The following NAALADL2 variants were observed in gnomAD, a reference collection of about 807,000 sequenced individuals.
NAALADL2 encodes the protein N-acetylated alpha-linked acidic dipeptidase like 2, also known as inactive N-acetylated-alpha-linked acidic dipeptidase-like protein 2.
NAALADL2 carries 76 observed loss-of-function variants against 87.2 expected under a neutral mutation model. The observed-to-expected ratio is 0.87, with a 90% CI of 0.72 to 1.05. The LOEUF is 1.05. Ranked by LOEUF, NAALADL2 falls within the 50% of genes least tolerant of loss-of-function variation. NAALADL2 has a pLI of 0.00. For synonymous variants in NAALADL2, 354 were observed against 331.0 expected, an observed-to-expected ratio of 1.07 and a Z score of -0.75; for missense variants, 1,089 against 945.8, an observed-to-expected ratio of 1.15 and a Z score of -1.99.
chr3:175,133,718 GA>G (rs1380932898), intron 2 of NAALADL2, among the ~76,000 whole-genome samples: 6 of 152,106 alleles, frequency 3.9e-5, no homozygotes, highest in Non-Finnish European at 7.4e-5. Flanking sequence ...CGTGGAAAGA[GA>G]GGGAGAGGGA....
At chr3:174,518,980 A>G (rs564914352) in intron 1 of NAALADL2, among the ~76,000 whole-genome samples, 22 of 152,308 alleles carry the variant, frequency 1.4e-4, no homozygotes, top group African/African-American at 4.8e-4. Flanking sequence ...CTCTGATGAC[A>G]TTATAAAAAT....
At chr3:175,689,719 G>A (rs78661717) in intron 11 of NAALADL2, among the ~76,000 whole-genome samples, 8,522 of 152,124 alleles carry the variant, frequency 0.056, 852 homozygotes, top group African/African-American at 0.19. Flanking sequence ...GGTCTCCGAT[G>A]TTTAGAGAAT....
intron 13 of NAALADL2, among the ~76,000 whole-genome samples, chr3:175,778,320 A>C (rs1750544875): frequency 6.6e-6 from 1 of 152,194 alleles, no homozygotes; most frequent in African/African-American, 2.4e-5. Flanking sequence ...TGGCATTTTC[A>C]ATTAGTTAAT....
chr3:175,100,876 G>A, intron 2 of NAALADL2, among the ~76,000 whole-genome samples: 1 of 151,376 alleles, frequency 6.6e-6, no homozygotes, highest in Non-Finnish European at 1.5e-5. Flanking sequence ...AGAAAAAGAG[G>A]TAGTTGTTTT....
At chr3:174,857,576 G>A (rs1725994720), upstream of NAALADL2, among the ~76,000 whole-genome samples, 1 of 152,014 alleles carries the variant, frequency 6.6e-6, no homozygotes, top group African/African-American at 2.4e-5. Context: ...TATGTGTGTT[G>A]GTCCTTTTAA....
At chr3:174,707,035 C>T (rs1052086705) in intron 2 of NAALADL2, among the ~76,000 whole-genome samples, 21 of 152,218 alleles carry the variant, frequency 1.4e-4, no homozygotes, top group African/African-American at 4.8e-4. Flanking sequence ...CCAACAGACA[C>T]ATGAAAAAAT....
At chr3:174,994,055 A>T (rs1383192710) in intron 1 of NAALADL2, among the ~76,000 whole-genome samples, 2 of 152,306 alleles carry the variant, frequency 1.3e-5, no homozygotes, top group Non-Finnish European at 2.9e-5. Context: ...ACTTGCTTGC[A>T]TCTGCAAAGA....
At chr3:174,861,639 A>G (rs1224077676) in intron 1 of NAALADL2, among the ~76,000 whole-genome samples, 4 of 152,122 alleles carry the variant, frequency 2.6e-5, no homozygotes, top group Non-Finnish European at 5.9e-5. Context: ...TATATTATGT[A>G]GATTATCATT....
chr3:174,492,328 A>G (rs1437041714), intron 1 of NAALADL2, among the ~76,000 whole-genome samples: 1 of 152,108 alleles, frequency 6.6e-6, no homozygotes, highest in Non-Finnish European at 1.5e-5. Flanking sequence ...TCTGGACACC[A>G]TTTACTGGGT....
At chr3:175,194,429 T>A (rs572327545) in intron 2 of NAALADL2, among the ~76,000 whole-genome samples, 6 of 151,874 alleles carry the variant, frequency 4.0e-5, no homozygotes, top group African/African-American at 1.4e-4. Context: ...GAAAATCCCT[T>A]AAGGGGCTTG....
At chr3:174,903,351 T>C (rs1732534701) in intron 1 of NAALADL2, among the ~76,000 whole-genome samples, 1 of 152,086 alleles carries the variant, frequency 6.6e-6, no homozygotes, top group African/African-American at 2.4e-5. Context: ...TGTATGCACA[T>C]TACCTCACTT....
At chr3:175,090,200 C>A (rs1433963989) in intron 1 of NAALADL2, among the ~76,000 whole-genome samples, 4 of 151,904 alleles carry the variant, frequency 2.6e-5, no homozygotes, top group Non-Finnish European at 5.9e-5. Context: ...TATTTACACA[C>A]CCCTGAGAAA....
chr3:175,779,180 G>C (rs1454883497), intron 13 of NAALADL2, among the ~76,000 whole-genome samples: 4 of 152,164 alleles, frequency 2.6e-5, no homozygotes, highest in Non-Finnish European at 5.9e-5. Flanking sequence ...TGATAAGCAT[G>C]TCTTTCACAT....
chr3:175,174,247 G>T (rs1462559902), intron 2 of NAALADL2, among the ~76,000 whole-genome samples: 1 of 152,072 alleles, frequency 6.6e-6, no homozygotes, highest in Non-Finnish European at 1.5e-5. Flanking sequence ...TGTTTAATAG[G>T]CTTCCCTCTT....
intron 2 of NAALADL2, among the ~76,000 whole-genome samples, chr3:175,214,143 C>A (rs1028555758): frequency 2.0e-4 from 30 of 152,062 alleles, no homozygotes; most frequent in African/African-American, 6.8e-4. Context: ...GAAATACTGG[C>A]ATTGCTTTTA....
intron 3 of NAALADL2, among the ~76,000 whole-genome samples, chr3:174,752,137 C>G (rs1734895878): frequency 6.6e-6 from 1 of 151,898 alleles, no homozygotes; most frequent in Non-Finnish European, 1.5e-5. Context: ...GCCACCATGC[C>G]CGGCTATTTT....
chr3:175,234,451 A>C (rs1041891455), intron 3 of NAALADL2, among the ~76,000 whole-genome samples: 2 of 152,216 alleles, frequency 1.3e-5, no homozygotes, highest in Non-Finnish European at 2.9e-5. Flanking sequence ...TGAGTCATTC[A>C]CATTTTGCTC....
intron 9 of NAALADL2, among the ~76,000 whole-genome samples, chr3:175,521,766 A>G (rs1385783141): frequency 6.6e-6 from 1 of 152,160 alleles, no homozygotes; most frequent in East Asian, 1.9e-4. Flanking sequence ...ATAAGCTAAA[A>G]TGAGGCAAGG....
intron 2 of NAALADL2, among the ~76,000 whole-genome samples, chr3:175,167,077 C>G (rs1275774058): frequency 6.6e-6 from 1 of 152,034 alleles, no homozygotes; most frequent in East Asian, 1.9e-4. Context: ...CTTCCTGTCT[C>G]CATTCTTGTT....
Sources: gnomAD v4.1 joint callset for allele counts (sites outside exome capture counted in the v4.1 genomes callset) on GRCh38, gnomAD v4.1.1 for gene constraint, MANE v1.5 for transcripts, NCBI Gene and HGNC (gene_info 2026-07-23, HGNC 2026-07-21) for gene names.